ARHGAP45: variants seen among roughly 807,000 people sequenced by gnomAD.
ARHGAP45 encodes rho GTPase-activating protein 45.
Under a neutral mutation model 116.1 loss-of-function variants are expected in ARHGAP45, and 56 were observed. The observed-to-expected ratio is 0.48, with a 90% confidence interval of 0.39 to 0.60. ARHGAP45 has a LOEUF of 0.60. ARHGAP45 is among the 20% of genes least tolerant of loss of function. The pLI is 0.00. For missense variants in ARHGAP45, 1,622 were observed against 1,601.0 expected, an observed-to-expected ratio of 1.01 and a Z score of -0.22; for synonymous variants, 866 against 701.7, an observed-to-expected ratio of 1.23 and a Z score of -3.70.
rs112170127 is a variant in ARHGAP45, at chr19:1,081,803, C to T, written c.2380-21C>T. 130 of 1,593,480 alleles carry T rather than the reference C, an allele frequency of 8.2e-5. No homozygotes were observed. The African/African-American group carries it at 1.3e-3, about 16-fold the overall frequency. ...GAGTGGGCCGAGGCTGATGGGCCTCCCCACCCCCGGGCTCCCGCAGGGCAT... is the reference window on the plus strand; with the variant it reads ...GAGTGGGCCGAGGCTGATGGGCCTCTCCACCCCCGGGCTCCCGCAGGGCAT... On this transcript the variant is annotated intron_variant, in intron 18 of 22. Coordinates refer to ENST00000313093, the MANE Select transcript of ARHGAP45 (RefSeq NM_012292.5).
chr19:1,084,112 G>C (rs2043526677), intron 21 of ARHGAP45, 126 bp from the exon 22 acceptor site: 3 of 861,636 alleles, frequency 3.5e-6, no homozygotes. Flanking sequence ...GCTCTTGGCT[G>C]AGGACAGACC....
intron 19 of ARHGAP45, among the ~76,000 whole-genome samples, 190 bp downstream of exon 19, chr19:1,082,151 CGGTA>C (rs1292598807): frequency 9.0e-6 from 1 of 111,612 alleles, no homozygotes; most frequent in Non-Finnish European, 1.8e-5. Context: ...GGCGTGGTCA[CGGTA>C]GGAGCGAGGC....
chr19:1,076,816 G>A (rs1350982870), intron 10 of ARHGAP45, among the ~76,000 whole-genome samples: 1 of 151,526 alleles, frequency 6.6e-6, no homozygotes, highest in Non-Finnish European at 1.5e-5. Context: ...ATCTTTGGTA[G>A]AGATGGGGTT....
At position 1,071,187 on chromosome 19, in the gene ARHGAP45, G is replaced by A; in HGVS notation, c.422-1962G>A. The A allele has an allele frequency of 2.6e-5, 36 of 1,364,356 alleles. 1 individual carries two copies. In the South Asian group the frequency reaches 5.2e-4, roughly 20 times the overall value. The allele number at this position is 1,364,356 out of a possible 1,614,324, so 84.5% of individuals were successfully genotyped here. A position where few individuals can be genotyped will look rare whatever the true frequency, so the allele number is the denominator to read the frequency against. On this transcript the variant is annotated intron_variant, in intron 2 of 22. Transcript: ENST00000313093. The surrounding 1 kb of genome is among the most constrained non-coding windows in gnomAD (Gnocchi z 4.6). Reference sequence around the variant, plus strand: ...GGGCGGGGTTTCCCTCGCGGGGGCGGGGCCTCCTGACCGGCCGGAGCCGGT... The same window carrying A: ...GGGCGGGGTTTCCCTCGCGGGGGCGAGGCCTCCTGACCGGCCGGAGCCGGT...
At chr19:1,079,593 C>A in intron 11 of ARHGAP45, 110 bp from the exon 12 acceptor site, 2 of 1,393,470 alleles carry the variant, frequency 1.4e-6, no homozygotes, top group South Asian at 1.3e-5. Flanking sequence ...CCCACTGTGG[C>A]CTCCCGAGGC....
At chr19:1,077,681 C>T (rs1056101114) in intron 10 of ARHGAP45, 176 bp from the exon 11 acceptor site, 29 of 1,466,212 alleles carry the variant, frequency 2.0e-5, no homozygotes, top group African/African-American at 4.2e-5. Flanking sequence ...CCACCGCGCC[C>T]GGCCACTCCT....
In ARHGAP45 at chr19:1,071,183, G is replaced by A. The variant is rs1315567660; in HGVS notation, c.422-1966G>A. 8 of 1,355,844 alleles carry A rather than the reference G, an allele frequency of 5.9e-6. No homozygotes were observed. Among genetic ancestry groups the A allele is most frequent in the Non-Finnish European group, 7.6e-6 (8 of 1,056,294 alleles). The allele number at this position is 1,355,844 out of a possible 1,614,324, so 84.0% of individuals were successfully genotyped here. On this transcript the variant is annotated intron_variant, in intron 2 of 22. Transcript: ENST00000313093. This position sits in a 1 kb window ranked among gnomAD's most constrained non-coding sequence, Gnocchi z 4.6. ...CCCAGGGCGGGGTTTCCCTCGCGGG[G>A]GCGGGGCCTCCTGACCGGCCGGAGC...
At chr19:1,076,852 G>A (rs1221819232) in intron 10 of ARHGAP45, among the ~76,000 whole-genome samples, 4 of 149,558 alleles carry the variant, frequency 2.7e-5, no homozygotes, top group East Asian at 3.9e-4. Flanking sequence ...GGCTGGTCTC[G>A]AGTAGCTAGG....
In ARHGAP45 at chr19:1,082,814, ACCTGCTGAC is replaced by A. The variant is rs769398669; in HGVS notation, c.2518-22_2518-14del. 6.8e-7 allele frequency: 1 copy of A among 1,462,072 alleles called. No homozygotes were observed. The highest frequency in any genetic ancestry group is 9.0e-7 in the Non-Finnish European group (1 of 1,105,720). 90.6% of individuals were successfully genotyped at this position (1,462,072 alleles called of 1,614,324 possible). ...TGGGGGCTGGGCCAGGCCCACCAAC[ACCTGCTGAC>A]CCTTGACTCTGCGCAGCTTCCCGAG... On this transcript the variant is annotated splice_polypyrimidine_tract_variant and intron_variant, in intron 19 of 22. Transcript: ENST00000313093.
intron 2 of ARHGAP45, among the ~76,000 whole-genome samples, chr19:1,070,053 T>C (rs887759424): frequency 1.3e-5 from 2 of 150,202 alleles, no homozygotes; most frequent in African/African-American, 4.9e-5. Context: ...TGGAGTGCAG[T>C]GGCGCGATCT....
chr19:1,080,108 G>A lies in ARHGAP45; in HGVS notation c.1693G>A (p.Ala565Thr). The change falls in exon 13 of 23, where the codon GCC becomes ACC. Residue 565 changes from alanine to threonine, a missense_variant. Around this residue, in one of 3 missense-constraint regions of ARHGAP45, gnomAD observed 1,334 missense variants for 1,263.8 expected, o/e 1.06. Transcript: ENST00000313093. ...CTACGACTTTGAGCCCCACGTCTCC[G>A]CCAACGCCTGGTACCGCCACCCAGC... ...VHYDFEPHVS[A>T]NAWSPVMRAR... 2 of 1,611,670 alleles carry A rather than the reference G, an allele frequency of 1.2e-6. No individual in the cohort carries two copies. Among genetic ancestry groups the A allele is most frequent in the Non-Finnish European group, 1.7e-6 (2 of 1,179,542 alleles).
At chr19:1,073,629 G>A in intron 4 of ARHGAP45, 39 bp downstream of exon 4, 2 of 1,611,490 alleles carry the variant, frequency 1.2e-6, no homozygotes, top group Non-Finnish European at 1.7e-6. Flanking sequence ...AAGGGAGCGT[G>A]GGGGGCCCGG....
At chr19:1,070,253 C>G (rs2043114651) in intron 2 of ARHGAP45, among the ~76,000 whole-genome samples, 1 of 151,700 alleles carries the variant, frequency 6.6e-6, no homozygotes, top group South Asian at 2.1e-4. Flanking sequence ...CTCAGCCTCC[C>G]AAAGTGCTGG....
rs988198044 is a variant in ARHGAP45, at chr19:1,086,246, G to C, written c.*240G>C. 3 of 530,558 alleles carry C rather than the reference G, an allele frequency of 5.7e-6. No homozygotes were observed. The highest frequency in any genetic ancestry group is 6.8e-5 in the Admixed American group (2 of 29,568). The allele number at this position is 530,558 out of a possible 1,614,324, so 32.9% of individuals were successfully genotyped here. On this transcript the variant is annotated 3_prime_UTR_variant, in exon 23 of 23. Coordinates refer to ENST00000313093, the MANE Select transcript of ARHGAP45 (RefSeq NM_012292.5). ...TGCACCCCGGCTCAGCTGAGCTGGG[G>C]AACACTGCTGTCGTGTGAAGTCACA...
At chr19:1,074,973 G>T (rs2043213174) in intron 10 of ARHGAP45, 94 bp downstream of exon 10, 7 of 1,096,254 alleles carry the variant, frequency 6.4e-6, no homozygotes, top group Non-Finnish European at 8.3e-6. Flanking sequence ...GCCCTGCGGC[G>T]AGCTCCGCAC....
In ARHGAP45 at chr19:1,080,819, G is replaced by C. The variant is rs534210472; in HGVS notation, c.2017+33G>C. 3.1e-6 allele frequency: 5 copies of C among 1,611,446 alleles called. No individual in the cohort carries two copies. In the East Asian group the frequency reaches 8.9e-5, roughly 29 times the overall value. On this transcript the variant is annotated intron_variant, in intron 16 of 22. Transcript: ENST00000313093. ...TCCCCTGACGGGGCTGGAGAGAGAG[G>C]GGGGTTTGGACACAGTCCATGGGCC...
chr19:1,085,360 G>A (rs544170375), intron 22 of ARHGAP45, among the ~76,000 whole-genome samples: 4 of 152,212 alleles, frequency 2.6e-5, no homozygotes, highest in East Asian at 1.9e-4. Context: ...CCCACAACAC[G>A]TGGGAATTAT....
At position 1,080,969 on chromosome 19, in the gene ARHGAP45, G is replaced by A; in HGVS notation, c.2095G>A (p.Ala699Thr). Residue 699 changes from alanine (A) to threonine (T), a missense_variant, in exon 17 of 23, where the codon GCG becomes ACG. By Grantham distance (58) the Ala-to-Thr change is moderately conservative. Transcript: ENST00000313093. ...GPFRHEGLSK[A>T]ARTHRLRKLR... ...GTTCCGCCACGAGGGGCTGTCCAAG[G>A]CGGCCCGTACTCACCGGCTCCGGAA... 1 of 1,608,396 alleles carries A rather than the reference G, an allele frequency of 6.2e-7. No individual in the cohort carries two copies. Among genetic ancestry groups the A allele is most frequent in the Admixed American group, 1.7e-5 (1 of 59,404 alleles).
chr19:1,074,568 C>T (rs1379185429), intron 8 of ARHGAP45, 46 bp from the exon 9 acceptor site: 5 of 1,485,688 alleles, frequency 3.4e-6, no homozygotes, highest in African/African-American at 1.4e-5. Context: ...TGGGGCCGCC[C>T]TGCCTCCATC....
Sources: gnomAD v4.1 joint callset for allele counts (sites outside exome capture counted in the v4.1 genomes callset) on GRCh38, gnomAD v4.1.1 for gene constraint, gnomAD v4.1.1 regional missense constraint, Gnocchi (gnomAD v3.1) non-coding constraint, MANE v1.5 for transcripts, NCBI Gene and HGNC (gene_info 2026-07-23, HGNC 2026-07-21) for gene names.